Variants in NEK6 observed in about 807,000 individuals in gnomAD.
NEK6 encodes the protein serine/threonine-protein kinase Nek6.
NEK6 carries 27 observed loss-of-function variants against 43.5 expected under a neutral mutation model. That is an observed-to-expected ratio of 0.62 (90% CI 0.46 to 0.86). NEK6 has a LOEUF of 0.86. Ranked by LOEUF, NEK6 falls within the 40% of genes least tolerant of loss-of-function variation. NEK6 has a pLI of 0.00. For missense variants in NEK6, 318 were observed against 414.4 expected, an observed-to-expected ratio of 0.77 and a Z score of 2.02; for synonymous variants, 167 against 164.1, an observed-to-expected ratio of 1.02 and a Z score of -0.14.
intron 7 of NEK6, among the ~76,000 whole-genome samples, chr9:124,332,892 CA>C (rs1165131993): frequency 2.0e-5 from 3 of 152,190 alleles, no homozygotes; most frequent in Admixed American, 2.0e-4. Flanking sequence ...TTCATACACA[CA>C]GCTCCGTCCC....
At chr9:124,288,564 G>A (rs528393801) in intron 1 of NEK6, among the ~76,000 whole-genome samples, 7 of 152,254 alleles carry the variant, frequency 4.6e-5, no homozygotes, top group South Asian at 2.1e-4. Context: ...GATTACAGGC[G>A]TGAGCCACCC....
At chr9:124,310,125 C>T (rs1298780087) in intron 2 of NEK6, among the ~76,000 whole-genome samples, 2 of 152,226 alleles carry the variant, frequency 1.3e-5, no homozygotes, top group Non-Finnish European at 2.9e-5. Flanking sequence ...AGCTTGGGCA[C>T]CACAGTCCCC....
chr9:124,308,943 G>A (rs1833403036), intron 2 of NEK6, among the ~76,000 whole-genome samples: 1 of 152,264 alleles, frequency 6.6e-6, no homozygotes, highest in African/African-American at 2.4e-5. Context: ...CCCAGGAGCG[G>A]GGGAGGTCTT....
rs540083053 is a variant in NEK6, at chr9:124,331,275, A to AAAAAAAAAC, written c.622+3833_622+3834insAAAAACAAA. Among the ~76,000 whole-genome samples, 11 of 145,722 alleles carry AAAAAAAAAC rather than the reference A, an allele frequency of 7.5e-5. 1 individual carries two copies. Among genetic ancestry groups the AAAAAAAAAC allele is most frequent in the East Asian group, 2.3e-4 (1 of 4,420 alleles). On this transcript the variant is annotated intron_variant, in intron 7 of 9. Coordinates refer to ENST00000320246, the MANE Select transcript of NEK6 (RefSeq NM_014397.6). ...ACTCTGTCTCAAAAAAAAAAAAAAC[A>AAAAAAAAAC]AAACATTTTGCTCATTTTGCTTTTT...
chr9:124,315,854 G>T (rs961778478), intron 4 of NEK6, among the ~76,000 whole-genome samples: 1 of 152,244 alleles, frequency 6.6e-6, no homozygotes, highest in African/African-American at 2.4e-5. Context: ...TCGCTCACTA[G>T]CTGTGTGGCT....
chr9:124,275,249 G>A lies in NEK6; in HGVS notation c.-30+17164G>A, dbSNP rs141089372. ...AATTTTAAACTTCTAGGGATGAGAT[G>A]TAGGTGCCCACTTATTTAAACCAGG... On this transcript the variant is annotated intron_variant, in intron 1 of 9. Transcript: ENST00000320246. This position sits in a 1 kb window ranked among gnomAD's most constrained non-coding sequence, Gnocchi z 4.4. Among the ~76,000 whole-genome samples the A allele has an allele frequency of 1.2e-3, 179 of 152,338 alleles. 1 individual carries two copies. Among genetic ancestry groups the A allele is most frequent in the African/African-American group, 4.1e-3 (169 of 41,578 alleles).
intron 5 of NEK6, among the ~76,000 whole-genome samples, chr9:124,325,511 C>T (rs1196411453): frequency 6.6e-6 from 1 of 152,202 alleles, no homozygotes; most frequent in Non-Finnish European, 1.5e-5. Context: ...AGCAAAAAGC[C>T]CCTGCACAAA....
Position 124,292,713 on chromosome 9 carries a change from C to G in NEK6, c.-29-9223C>G, listed in dbSNP as rs57683781. The G allele has an allele frequency of 6.3e-3, 7,146 of 1,135,706 alleles. 324 individuals are homozygous for G. In the African/African-American group the frequency reaches 0.096, roughly 15 times the overall value. 70.4% of individuals were successfully genotyped at this position (1,135,706 alleles called of 1,614,324 possible). A position where few individuals can be genotyped will look rare whatever the true frequency, so the allele number is the denominator to read the frequency against. ...CCTGGCATGAGTTGGTCTCGGGGGGCCAGGCTTCTCCCTCCTGGCCTCAGG... is the reference window on the plus strand; with the variant it reads ...CCTGGCATGAGTTGGTCTCGGGGGGGCAGGCTTCTCCCTCCTGGCCTCAGG... On this transcript the variant is annotated intron_variant, in intron 1 of 9. Coordinates refer to ENST00000320246, the MANE Select transcript of NEK6 (RefSeq NM_014397.6).
Position 124,299,105 on chromosome 9 carries a change from G to A in NEK6, c.-29-2831G>A, listed in dbSNP as rs1832835086. 2.0e-5 allele frequency among the ~76,000 whole-genome samples: 3 copies of A among 152,248 alleles called. No individual in the cohort carries two copies. In the East Asian group the frequency reaches 5.8e-4, roughly 29 times the overall value. The stretch of plus-strand genomic sequence containing the variant: ...GGATTTGCCCAAGGTCTCAGCTGGT[G>A]AGTGACAGGGTCTAGATTCCACTGC... On this transcript the variant is annotated intron_variant, in intron 1 of 9. Coordinates refer to ENST00000320246, the MANE Select transcript of NEK6 (RefSeq NM_014397.6).
At chr9:124,291,007 G>A (rs1189899506) in intron 1 of NEK6, among the ~76,000 whole-genome samples, 1 of 152,186 alleles carries the variant, frequency 6.6e-6, no homozygotes, top group Non-Finnish European at 1.5e-5. Context: ...TCCTGGATCC[G>A]CACCCTCGTT....
intron 6 of NEK6, among the ~76,000 whole-genome samples, chr9:124,327,047 G>A (rs1419834504): frequency 6.6e-6 from 1 of 152,166 alleles, no homozygotes; most frequent in Admixed American, 6.5e-5. Flanking sequence ...ACTGTTCTAG[G>A]CATGGAGGAT....
intron 5 of NEK6, among the ~76,000 whole-genome samples, chr9:124,323,192 G>C (rs1834161227): frequency 6.6e-6 from 1 of 152,250 alleles, no homozygotes; most frequent in African/African-American, 2.4e-5. Flanking sequence ...GAGCCAGTGT[G>C]AACAAGCCAT....
intron 7 of NEK6, among the ~76,000 whole-genome samples, chr9:124,330,509 C>A (rs538541270): frequency 1.3e-5 from 2 of 152,156 alleles, no homozygotes; most frequent in East Asian, 3.9e-4. Context: ...GCAGGAAGGG[C>A]GGCTGGTCAC....
At chr9:124,257,842 C>A (rs1830865057), upstream of NEK6, 2 of 1,091,340 alleles carry the variant, frequency 1.8e-6, no homozygotes, top group South Asian at 6.4e-5. Flanking sequence ...GCCGCCGGGG[C>A]GCCCCCCGCC....
At chr9:124,325,481 G>C (rs895715877) in intron 5 of NEK6, among the ~76,000 whole-genome samples, 15 of 152,358 alleles carry the variant, frequency 9.8e-5, no homozygotes, top group African/African-American at 3.1e-4. Context: ...GCCTGCTTTG[G>C]GGAAAGGTGG....
chr9:124,335,159 C>G (rs953883015), intron 7 of NEK6, among the ~76,000 whole-genome samples: 2 of 152,208 alleles, frequency 1.3e-5, no homozygotes, highest in Non-Finnish European at 2.9e-5. Context: ...AATCCACTTA[C>G]ATTTGTCCTG....
At chr9:124,281,436 G>GA (rs1201905199) in intron 1 of NEK6, among the ~76,000 whole-genome samples, 2 of 146,334 alleles carry the variant, frequency 1.4e-5, no homozygotes, top group Middle Eastern at 3.2e-3. Flanking sequence ...GGTGAAATAA[G>GA]AAAAGGAAGG....
chr9:124,306,264 G>A (rs1204462980), intron 2 of NEK6, among the ~76,000 whole-genome samples: 1 of 152,130 alleles, frequency 6.6e-6, no homozygotes, highest in Non-Finnish European at 1.5e-5. Context: ...GTCTCTGCTT[G>A]TGAGTCGTCG....
intron 4 of NEK6, among the ~76,000 whole-genome samples, chr9:124,315,982 G>A (rs769644528): frequency 2.2e-4 from 33 of 152,342 alleles, no homozygotes; most frequent in Middle Eastern, 3.4e-3. Context: ...TCAGGGCAGC[G>A]CTGGTGTGTG....
Sources: allele counts gnomAD v4.1 joint callset (sites outside exome capture counted in the v4.1 genomes callset), GRCh38; gene constraint gnomAD v4.1.1; non-coding constraint Gnocchi (gnomAD v3.1); transcripts MANE v1.5; gene names NCBI Gene and HGNC (gene_info 2026-07-23, HGNC 2026-07-21).